Variants in A1CF observed in about 807,000 individuals in gnomAD.
A1CF encodes APOBEC1 complementation factor, also known as APOBEC-1 stimulating protein.
In A1CF, 48 loss-of-function variants were observed where a neutral mutation model predicts 68.9. That is an observed-to-expected ratio of 0.70 (90% CI 0.55 to 0.89). The LOEUF is 0.89. Ranked by LOEUF, A1CF falls within the 40% of genes least tolerant of loss-of-function variation. The pLI is 0.00. For synonymous variants in A1CF, 272 were observed against 260.4 expected (o/e 1.04, Z -0.43); for missense variants, 653 against 718.9 (o/e 0.91, Z 1.05).
At chr10:50,840,669 A>T (rs1839732922) in intron 5 of A1CF, among the ~76,000 whole-genome samples, 1 of 152,152 alleles carries the variant, frequency 6.6e-6, no homozygotes, top group South Asian at 2.1e-4. Flanking sequence ...CATGGTCTTA[A>T]TTGCTATCTA....
At chr10:50,880,332 G>T (rs1460327986) in intron 1 of A1CF, among the ~76,000 whole-genome samples, 1 of 152,170 alleles carries the variant, frequency 6.6e-6, no homozygotes, top group South Asian at 2.1e-4. Flanking sequence ...TGGAAAAATG[G>T]CGTAGCAATA....
At chr10:50,866,960 C>T (rs1841020589) in intron 1 of A1CF, among the ~76,000 whole-genome samples, 1 of 151,242 alleles carries the variant, frequency 6.6e-6, no homozygotes, top group African/African-American at 2.4e-5. Flanking sequence ...AGCAGTCTTC[C>T]CATCTCGGCC....
At chr10:50,850,597 T>C in intron 3 of A1CF, 1 of 1,570,806 alleles carries the variant, frequency 6.4e-7, no homozygotes. Context: ...AGCATTTGTG[T>C]GTGTGTGTGT....
chr10:50,823,441 C>T (rs1838769314), intron 7 of A1CF: 3 of 152,146 alleles, frequency 2.0e-5, no homozygotes, highest in African/African-American at 4.8e-5. Context: ...AAAATTATTG[C>T]TGTGTTTCTT....
At chr10:50,819,232 C>T (rs1355045496) in intron 8 of A1CF, among the ~76,000 whole-genome samples, 1 of 152,034 alleles carries the variant, frequency 6.6e-6, no homozygotes, top group Non-Finnish European at 1.5e-5. Flanking sequence ...ATCAAGAGAT[C>T]CTCCCACCTC....
chr10:50,824,845 A>G (rs1341105864), intron 7 of A1CF, among the ~76,000 whole-genome samples: 3 of 152,196 alleles, frequency 2.0e-5, no homozygotes, highest in African/African-American at 7.2e-5. Flanking sequence ...CTTATCTAGA[A>G]AGTAATGGAA....
intron 3 of A1CF, among the ~76,000 whole-genome samples, chr10:50,849,723 T>A (rs1449227250): frequency 6.6e-6 from 1 of 151,368 alleles, no homozygotes. Context: ...GTTTCTTACA[T>A]ATGTGAGAAA....
intron 1 of A1CF, among the ~76,000 whole-genome samples, chr10:50,871,097 G>C (rs1042745769): frequency 6.6e-6 from 1 of 151,484 alleles, no homozygotes. Context: ...AATTGATAAA[G>C]AGCATCTCTC....
chr10:50,814,315 A>G (rs1480092846), intron 9 of A1CF, among the ~76,000 whole-genome samples: 1 of 152,216 alleles, frequency 6.6e-6, no homozygotes, highest in Non-Finnish European at 1.5e-5. Context: ...TACACAAACA[A>G]CTTAAAAATT....
At chr10:50,853,225 CT>C (rs1197848048) in intron 3 of A1CF, among the ~76,000 whole-genome samples, 2 of 152,092 alleles carry the variant, frequency 1.3e-5, no homozygotes, top group Non-Finnish European at 2.9e-5. Context: ...CTCACTAGAT[CT>C]TTGAAAGTAA....
At chr10:50,809,863 G>T in intron 12 of A1CF, 31 bp downstream of exon 12, 1 of 1,612,910 alleles carries the variant, frequency 6.2e-7, no homozygotes, top group Non-Finnish European at 8.5e-7. Flanking sequence ...ACTCTCTGCA[G>T]GGCGCCATTT....
intron 9 of A1CF, among the ~76,000 whole-genome samples, chr10:50,814,969 G>T (rs755097971): frequency 3.0e-4 from 46 of 152,162 alleles, no homozygotes; most frequent in Non-Finnish European, 5.9e-4. Context: ...GTAATTATGA[G>T]TATGAAACTT....
In A1CF at chr10:50,809,890, A is replaced by G. The variant is rs753587619; in HGVS notation, c.1609+4T>C. 2.5e-6 allele frequency: 4 copies of G among 1,613,802 alleles called. No individual in the cohort carries two copies. Among genetic ancestry groups the G allele is most frequent in the South Asian group, 2.2e-5 (2 of 91,076 alleles). On this transcript the variant is annotated splice_donor_region_variant and intron_variant, in intron 12 of 12. Coordinates refer to ENST00000373997, the MANE Select transcript of A1CF (RefSeq NM_014576.4). ...GCGCCATTTCTGGCACAATTTTCCCATACCTGGGAAAGCAGTAGCAGCAGC... is the reference window on the plus strand; with the variant it reads ...GCGCCATTTCTGGCACAATTTTCCCGTACCTGGGAAAGCAGTAGCAGCAGC...
At chr10:50,835,041 C>A (rs1248472063) in intron 6 of A1CF, among the ~76,000 whole-genome samples, 1 of 152,058 alleles carries the variant, frequency 6.6e-6, no homozygotes. Flanking sequence ...ATGACTTGAC[C>A]AAATGCTGGC....
rs538630131 is a variant in A1CF, at chr10:50,859,834, G to C, written c.99+8C>G. ...TGGTGAGTCTCAGCAGATTTCACAA[G>C]TTCCTACCTGGACCAAGCTATATCC... On this transcript the variant is annotated splice_region_variant and intron_variant, in intron 3 of 12. Transcript: ENST00000373997. 2 of 1,612,448 alleles carry C rather than the reference G, an allele frequency of 1.2e-6. No homozygotes were observed.
intron 9 of A1CF, among the ~76,000 whole-genome samples, chr10:50,814,271 C>T (rs961362769): frequency 1.3e-5 from 2 of 152,026 alleles, no homozygotes; most frequent in African/African-American, 4.8e-5. Context: ...CAGAAGAAAA[C>T]AATGCCATTG....
In A1CF at chr10:50,811,178, T is replaced by C; in HGVS notation, c.1324-2A>G. Reference sequence around the variant, plus strand: ...TTTCTGACAAATCTCTTCTAATATCTACAAGAATAAAAAAAGTTATTTCCC... The same window carrying C: ...TTTCTGACAAATCTCTTCTAATATCCACAAGAATAAAAAAAGTTATTTCCC... On this transcript the variant is annotated splice_acceptor_variant, in intron 10 of 12. Transcript: ENST00000373997. LOFTEE classifies it high-confidence loss of function. The C allele has an allele frequency of 6.2e-7, 1 of 1,600,154 alleles. No individual in the cohort carries two copies. Among genetic ancestry groups the C allele is most frequent in the Non-Finnish European group, 8.5e-7 (1 of 1,173,416 alleles).
chr10:50,810,952 A>G, intron 11 of A1CF, 88 bp downstream of exon 11: 1 of 1,380,692 alleles, frequency 7.2e-7, no homozygotes, highest in South Asian at 1.7e-5. Flanking sequence ...AGTAGACCTC[A>G]GTATCTTGTT....
intron 3 of A1CF, among the ~76,000 whole-genome samples, chr10:50,847,063 T>C (rs1227796241): frequency 6.6e-6 from 1 of 152,222 alleles, no homozygotes; most frequent in Non-Finnish European, 1.5e-5. Flanking sequence ...ATTTTCATAG[T>C]TGAGGAGTTT....
Sources: allele counts gnomAD v4.1 joint callset (sites outside exome capture counted in the v4.1 genomes callset), GRCh38; gene constraint gnomAD v4.1.1; transcripts MANE v1.5; gene names NCBI Gene and HGNC (gene_info 2026-07-23, HGNC 2026-07-21).